LRMDA: variants seen among roughly 807,000 people sequenced by gnomAD.
LRMDA encodes the protein leucine-rich melanocyte differentiation-associated protein.
Under a neutral mutation model 29.8 loss-of-function variants are expected in LRMDA, and 18 were observed. The ratio of observed to expected loss-of-function variants is 0.60; its 90% CI spans 0.42 to 0.90. The LOEUF (loss-of-function observed/expected upper bound fraction) is 0.90, where lower values mean the gene tolerates loss of function less well. Among genes scored for constraint, LRMDA ranks in the 40% least tolerant of loss-of-function variants. LRMDA has a pLI of 0.00. For synonymous variants in LRMDA, 125 were observed against 109.4 expected, an observed-to-expected ratio of 1.14 and a Z score of -0.89; for missense variants, 273 against 273.9, an observed-to-expected ratio of 1.00 and a Z score of 0.02.
At chr10:75,593,198 A>G (rs1212309659) in intron 2 of LRMDA, among the ~76,000 whole-genome samples, 1 of 152,194 alleles carries the variant, frequency 6.6e-6, no homozygotes, top group Non-Finnish European at 1.5e-5. Flanking sequence ...TTACCAACCA[A>G]ATGTTAACAC....
rs141069616 is a variant in LRMDA, at chr10:76,090,953, A to G, written c.516+32170A>G. Among the ~76,000 whole-genome samples, 220 of 152,294 alleles carry G rather than the reference A, an allele frequency of 1.4e-3. 1 individual carries two copies. In the East Asian group the frequency reaches 0.032, roughly 22 times the overall value. On this transcript the variant is annotated intron_variant, in intron 5 of 6. Coordinates refer to ENST00000611255, the MANE Select transcript of LRMDA (RefSeq NM_001305581.2). ...TGAATGTATTTACCACTACTGAGCT[A>G]TATATTTAGAAATGGTTAAGATGGT...
At chr10:75,715,418 C>T (rs374682526) in intron 2 of LRMDA, among the ~76,000 whole-genome samples, 46 of 152,186 alleles carry the variant, frequency 3.0e-4, no homozygotes, top group African/African-American at 1.1e-3. Flanking sequence ...GAAGGTCCCA[C>T]CACTAACATT....
At chr10:75,456,517 G>A (rs1844519417) in intron 2 of LRMDA, among the ~76,000 whole-genome samples, 1 of 152,216 alleles carries the variant, frequency 6.6e-6, no homozygotes, top group African/African-American at 2.4e-5. Context: ...GGCCTTTGCA[G>A]AAACTCTGTC....
intron 6 of LRMDA, among the ~76,000 whole-genome samples, chr10:76,460,720 T>C (rs1276497330): frequency 6.6e-6 from 1 of 152,186 alleles, no homozygotes; most frequent in Non-Finnish European, 1.5e-5. Context: ...ATGGGAAGCA[T>C]TGCAGATACC....
chr10:75,558,220 CTT>C (rs1472091242), intron 2 of LRMDA, among the ~76,000 whole-genome samples: 3 of 141,224 alleles, frequency 2.1e-5, no homozygotes, highest in African/African-American at 7.8e-5. Context: ...TGCTAAAAAA[CTT>C]TTAGAAGTAC....
chr10:75,714,447 G>A (rs955565043), intron 2 of LRMDA, among the ~76,000 whole-genome samples: 4 of 152,074 alleles, frequency 2.6e-5, no homozygotes, highest in African/African-American at 7.2e-5. Context: ...TATTAATCCC[G>A]GTATTGAGTA....
chr10:76,104,527 A>AGGTCTCCCTGCAGCTCTG (rs1355319971), intron 5 of LRMDA, among the ~76,000 whole-genome samples: 14 of 50,592 alleles, frequency 2.8e-4, no homozygotes, highest in African/African-American at 9.6e-4. Context: ...CTGCAGCTCT[A>AGGTCTCCCTGCAGCTCTG]GGTCTCCCTG....
intron 2 of LRMDA, among the ~76,000 whole-genome samples, chr10:75,905,480 C>T (rs1052840637): frequency 5.3e-5 from 8 of 151,592 alleles, no homozygotes; most frequent in African/African-American, 1.7e-4. Flanking sequence ...GATGAATATC[C>T]CAATTACATC....
At chr10:75,846,183 G>GTC (rs1272326654) in intron 2 of LRMDA, among the ~76,000 whole-genome samples, 1 of 136,854 alleles carries the variant, frequency 7.3e-6, no homozygotes, top group Admixed American at 7.0e-5. Flanking sequence ...GTGTTTGTGT[G>GTC]TGTGTGTGTG....
At chr10:76,009,770 C>T (rs1214850951) in intron 2 of LRMDA, among the ~76,000 whole-genome samples, 1 of 152,096 alleles carries the variant, frequency 6.6e-6, no homozygotes, top group Non-Finnish European at 1.5e-5. Context: ...GGGTAAATAT[C>T]CCAGTCTGAC....
intron 5 of LRMDA, among the ~76,000 whole-genome samples, chr10:76,061,332 C>G (rs1203825630): frequency 6.6e-6 from 1 of 152,002 alleles, no homozygotes; most frequent in East Asian, 1.9e-4. Context: ...AACTCATGAA[C>G]ACAAAGAAGG....
intron 2 of LRMDA, among the ~76,000 whole-genome samples, chr10:75,965,267 T>C (rs147842973): frequency 4.7e-4 from 71 of 152,340 alleles, no homozygotes; most frequent in African/African-American, 1.6e-3. Context: ...TTATTGTTGC[T>C]TATATTACTA....
chr10:76,017,964 G>T (rs1847906518), intron 2 of LRMDA, among the ~76,000 whole-genome samples: 1 of 152,176 alleles, frequency 6.6e-6, no homozygotes, highest in African/African-American at 2.4e-5. Flanking sequence ...CTTCTCCCAT[G>T]AAATTGAGAA....
At chr10:76,224,650 T>C (rs1278338291) in intron 5 of LRMDA, among the ~76,000 whole-genome samples, 1 of 142,170 alleles carries the variant, frequency 7.0e-6, no homozygotes, top group Non-Finnish European at 1.5e-5. Flanking sequence ...AGCAATAAAA[T>C]AATAATGTCT....
intron 6 of LRMDA, among the ~76,000 whole-genome samples, chr10:76,329,139 A>G (rs1840873334): frequency 6.6e-6 from 1 of 152,232 alleles, no homozygotes; most frequent in African/African-American, 2.4e-5. Flanking sequence ...TTTCCAAATC[A>G]TACTCCAGCA....
chr10:76,260,853 A>T (rs1839930382), intron 5 of LRMDA: 1 of 152,172 alleles, frequency 6.6e-6, no homozygotes, highest in African/African-American at 2.4e-5. Flanking sequence ...GGCCATGCTA[A>T]TCTTCTCTGT....
intron 2 of LRMDA, among the ~76,000 whole-genome samples, chr10:75,797,605 G>T (rs982523831): frequency 2.0e-5 from 3 of 152,084 alleles, no homozygotes; most frequent in African/African-American, 7.2e-5. Flanking sequence ...CAATTGATTT[G>T]CTTTTTCTAG....
At chr10:76,253,735 A>AT (rs745466650) in intron 5 of LRMDA, among the ~76,000 whole-genome samples, 12 of 152,130 alleles carry the variant, frequency 7.9e-5, no homozygotes, top group African/African-American at 2.9e-4. Context: ...TTTTATCTGT[A>AT]TTTTTTCAAA....
intron 2 of LRMDA, chr10:75,450,349 A>C (rs1844446905): frequency 6.6e-6 from 1 of 151,924 alleles, no homozygotes; most frequent in African/African-American, 2.4e-5. Context: ...CACCTCCCCT[A>C]AGCTCCTTGC....
Sources: gnomAD v4.1 joint callset for allele counts (sites outside exome capture counted in the v4.1 genomes callset) on GRCh38, gnomAD v4.1.1 for gene constraint, MANE v1.5 for transcripts, NCBI Gene and HGNC (gene_info 2026-07-23, HGNC 2026-07-21) for gene names.